GGH: variants seen among roughly 807,000 people sequenced by gnomAD.
GGH encodes the protein gamma-Glu-X carboxypeptidase.
GGH carries 18 observed loss-of-function variants against 39.2 expected under a neutral mutation model. The observed-to-expected ratio is 0.46, with a 90% CI of 0.32 to 0.68. GGH has a LOEUF of 0.68. GGH is among the 30% of genes least tolerant of loss of function. GGH has a pLI of 0.04. For missense variants in GGH, 367 were observed against 384.1 expected (o/e 0.96, Z 0.37); for synonymous variants, 147 against 138.8 (o/e 1.06, Z -0.42).
chr8:63,017,830 C>G, intron 7 of GGH, 200 bp from the exon 8 acceptor site: 1 of 463,258 alleles, frequency 2.2e-6, no homozygotes, highest in South Asian at 4.1e-5. Flanking sequence ...CACTGATTAG[C>G]AACCTTTTAC....
rs1804644180 is a variant in GGH, at chr8:63,024,148, C to G, written c.538G>C (p.Glu180Gln). 6.2e-7 allele frequency: 1 copy of G among 1,610,854 alleles called. No individual in the cohort carries two copies. Among genetic ancestry groups the G allele is most frequent in the African/African-American group, 1.3e-5 (1 of 74,968 alleles). Residue 180 changes from glutamate to glutamine, a missense_variant, in exon 6 of 9, where the codon GAG (glutamate) becomes CAG (glutamine). Glu to Gln is a conservative substitution (Grantham distance 29). Coordinates refer to ENST00000260118, the MANE Select transcript of GGH (RefSeq NM_003878.3). ...TCTACTGCTAATGACAGCAACAACT[C>G]AGTAGGAAAATTCTGGAACATTCTG... is the stretch of plus-strand genomic sequence containing the variant. ...HSRMFQNFPTELLLSLAVEPL... is the reference protein window; with the variant it reads ...HSRMFQNFPTQLLLSLAVEPL...
intron 2 of GGH, among the ~76,000 whole-genome samples, chr8:63,031,761 T>TG (rs1368307268): frequency 2.0e-5 from 3 of 152,198 alleles, no homozygotes; most frequent in Non-Finnish European, 4.4e-5. Context: ...CTAGGGGCCC[T>TG]GGCAGAGAAT....
Position 63,026,171 on chromosome 8 carries a change from C to T in GGH, c.486G>A (p.Leu162=), listed in dbSNP as rs2129656063. 1.9e-6 allele frequency: 3 copies of T among 1,601,122 alleles called. No individual in the cohort carries two copies. The highest frequency in any genetic ancestry group is 2.6e-6 in the Non-Finnish European group (3 of 1,175,806). The change falls in exon 5 of 9, where the codon CTG becomes CTA. Residue 162 remains leucine (L), a synonymous_variant. Coordinates refer to ENST00000260118, the MANE Select transcript of GGH (RefSeq NM_003878.3). ...ATDTVDVAMP[L]NFTGGQLHSR... is the part of the protein sequence containing the mutation. ...GAGTACTCTTACCTCCAGTGAAGTTCAGCGGCATTGCCACGTCAACAGTAT... is the reference window on the plus strand; with the variant it reads ...GAGTACTCTTACCTCCAGTGAAGTTTAGCGGCATTGCCACGTCAACAGTAT...
intron 2 of GGH, among the ~76,000 whole-genome samples, 156 bp from the exon 3 acceptor site, chr8:63,030,373 C>T (rs184338276): frequency 6.6e-6 from 1 of 152,218 alleles, no homozygotes; most frequent in East Asian, 1.9e-4. Context: ...TTTTGCAAAC[C>T]ACTTGAAAGC....
At chr8:63,021,307 C>T (rs1374105525) in intron 7 of GGH, among the ~76,000 whole-genome samples, 1 of 152,052 alleles carries the variant, frequency 6.6e-6, no homozygotes, top group Admixed American at 6.6e-5. Context: ...CATTTTTTTG[C>T]TGGTATGAAC....
rs546433903 is a variant in GGH, at chr8:63,035,553, C to A, written c.224+103G>T. The A allele has an allele frequency of 6.8e-6, 10 of 1,468,996 alleles. No homozygotes were observed. In the African/African-American group the frequency reaches 7.2e-5, roughly 11 times the overall value. 91.0% of individuals were successfully genotyped at this position (1,468,996 alleles called of 1,614,324 possible). A position where few individuals can be genotyped will look rare whatever the true frequency, so the allele number is the denominator to read the frequency against. On this transcript the variant is annotated intron_variant, in intron 2 of 8. Coordinates refer to ENST00000260118, the MANE Select transcript of GGH (RefSeq NM_003878.3). ...ACTCCTGACCTCAGTAGTCCACCCG[C>A]CTTGGCCTCCCAAAGTGCTAGAATT... is the stretch of plus-strand genomic sequence containing the variant.
In GGH at chr8:63,027,329, G is replaced by C. The variant is rs537683901; in HGVS notation, c.276-64C>G. 798 of 729,250 alleles carry C rather than the reference G, an allele frequency of 1.1e-3. 5 individuals are homozygous for C. The highest frequency in any genetic ancestry group is 2.7e-3 in the South Asian group (160 of 59,026). The allele number at this position is 729,250 out of a possible 1,614,324, so 45.2% of individuals were successfully genotyped here. On this transcript the variant is annotated intron_variant, in intron 3 of 8. Coordinates refer to ENST00000260118, the MANE Select transcript of GGH (RefSeq NM_003878.3). The stretch of plus-strand genomic sequence containing the variant: ...GCCACCCCCGACCCATACACACACA[G>C]AAAACAATCTTTTTATTTTAAAACA...
At chr8:63,033,024 A>G (rs1804833831) in intron 2 of GGH, among the ~76,000 whole-genome samples, 1 of 152,138 alleles carries the variant, frequency 6.6e-6, no homozygotes, top group Non-Finnish European at 1.5e-5. Context: ...CACCTAGACT[A>G]CTGCAACTAC....
Position 63,038,750 on chromosome 8 carries a change from G to T in GGH, c.19C>A (p.Leu7Met), listed in dbSNP as rs1804962348. Reference protein sequence around the residue: MASPGCLLCVLGLLLCG... With the variant: MASPGCMLCVLGLLLCG... ...AGTAGCAGGCCCAGCACGCACAGCA[G>T]GCAGCCCGGACTGGCCATGGCGCTC... Residue 7 changes from leucine (L) to methionine (M), a missense_variant, in exon 1 of 9, where the codon CTG becomes ATG. By Grantham distance (15) the Leu-to-Met change is conservative. Transcript: ENST00000260118. The T allele has an allele frequency of 6.3e-7, 1 of 1,574,972 alleles. No individual in the cohort carries two copies. Among genetic ancestry groups the T allele is most frequent in the Non-Finnish European group, 8.6e-7 (1 of 1,163,310 alleles).
intron 5 of GGH, chr8:63,024,954 A>T (rs189531799): frequency 2.6e-5 from 4 of 152,330 alleles, no homozygotes; most frequent in African/African-American, 7.2e-5. Context: ...AATGGAAGAA[A>T]GAGCTTTCAA....
In GGH at chr8:63,035,658, T is replaced by TA; in HGVS notation, c.221dup (p.Arg75LysfsTer10). 6.2e-7 allele frequency: 1 copy of TA among 1,603,062 alleles called. No homozygotes were observed. Among genetic ancestry groups the TA allele is most frequent in the African/African-American group, 1.4e-5 (1 of 73,998 alleles). ...AAAAAAAAAACACTGAATCATACCT[T>TA]ACTGGTACAACTCTCGCACCTGCAG... is the stretch of plus-strand genomic sequence containing the variant. On this transcript the variant is annotated frameshift_variant, in exon 2 of 9. Transcript: ENST00000260118. LOFTEE classifies it high-confidence loss of function.
intron 8 of GGH, among the ~76,000 whole-genome samples, chr8:63,015,686 A>C (rs189796151): frequency 7.5e-4 from 114 of 151,106 alleles, no homozygotes; most frequent in African/African-American, 2.6e-3. Context: ...GAAGGGAGGG[A>C]GGCAAATGCT....
intron 7 of GGH, 70 bp downstream of exon 7, chr8:63,023,837 G>A: frequency 3.7e-6 from 4 of 1,092,278 alleles, no homozygotes; most frequent in Non-Finnish European, 3.7e-6. Flanking sequence ...TTTTATTGAT[G>A]AGACATATAA....
chr8:63,035,663 G>A lies in GGH; in HGVS notation c.217C>T (p.Pro73Ser). The A allele has an allele frequency of 6.2e-7, 1 of 1,603,540 alleles. No individual in the cohort carries two copies. Among genetic ancestry groups the A allele is most frequent in the Non-Finnish European group, 8.5e-7 (1 of 1,177,040 alleles). Residue 73 changes from proline to serine, a missense_variant, in exon 2 of 9, where the codon CCA becomes TCA. Coordinates refer to ENST00000260118, the MANE Select transcript of GGH (RefSeq NM_003878.3). ...AAAAACACTGAATCATACCTTACTGGTACAACTCTCGCACCTGCAGACTCC... is the reference window on the plus strand; with the variant it reads ...AAAAACACTGAATCATACCTTACTGATACAACTCTCGCACCTGCAGACTCC... Reference protein sequence around the residue: ...YLESAGARVVPVRLDLTEKDY... With the variant: ...YLESAGARVVSVRLDLTEKDY...
Position 63,015,529 on chromosome 8 carries a change from C to T in GGH, c.836-76G>A. ...AGAGACTATTTTATAATATTTCTTC[C>T]TGCAATCAGCATTATTAAGTGGGAA... On this transcript the variant is annotated intron_variant, in intron 8 of 8. Transcript: ENST00000260118. 4 of 873,782 alleles carry T rather than the reference C, an allele frequency of 4.6e-6. No individual in the cohort carries two copies. In the South Asian group the frequency reaches 6.5e-5, roughly 14 times the overall value. 54.1% of individuals were successfully genotyped at this position (873,782 alleles called of 1,614,324 possible).
At chr8:63,019,923 G>A (rs530608081) in intron 7 of GGH, among the ~76,000 whole-genome samples, 24 of 152,256 alleles carry the variant, frequency 1.6e-4, no homozygotes, top group African/African-American at 5.5e-4. Flanking sequence ...GTAAAAGACC[G>A]CATTTGACGT....
At position 63,030,502 on chromosome 8, in the gene GGH, T is replaced by C. The variant is rs542200102; in HGVS notation, c.225-285A>G. On this transcript the variant is annotated intron_variant, in intron 2 of 8. Coordinates refer to ENST00000260118, the MANE Select transcript of GGH (RefSeq NM_003878.3). ...GCAAAAACAGTAAAGACCGTGAGAT[T>C]TGGCCACCAGTAATTTCTCTACTAA... is the stretch of plus-strand genomic sequence containing the variant. Among the ~76,000 whole-genome samples the C allele has an allele frequency of 3.9e-5, 6 of 152,306 alleles. No individual in the cohort carries two copies. In the South Asian group the frequency reaches 1.0e-3, roughly 26 times the overall value.
chr8:63,027,924 G>A (rs1234737111), intron 3 of GGH, among the ~76,000 whole-genome samples: 1 of 151,896 alleles, frequency 6.6e-6, no homozygotes, highest in Non-Finnish European at 1.5e-5. Context: ...ATTTTACCAT[G>A]TTTTTATATC....
chr8:63,036,201 C>T (rs1218177504), intron 1 of GGH, among the ~76,000 whole-genome samples: 1 of 152,210 alleles, frequency 6.6e-6, no homozygotes, highest in Non-Finnish European at 1.5e-5. Context: ...CCCAAGCTAT[C>T]AATATCTACC....
Sources: allele counts gnomAD v4.1 joint callset (sites outside exome capture counted in the v4.1 genomes callset), GRCh38; gene constraint gnomAD v4.1.1; transcripts MANE v1.5; gene names NCBI Gene and HGNC (gene_info 2026-07-23, HGNC 2026-07-21).